The following NECTIN2 variants were observed in gnomAD, a reference collection of about 807,000 sequenced individuals.
NECTIN2 encodes the protein nectin-2.
Under a neutral mutation model 56.9 loss-of-function variants are expected in NECTIN2, and 23 were observed. The observed-to-expected ratio is 0.40, with a 90% CI of 0.29 to 0.57. NECTIN2 has a LOEUF of 0.57. Among genes scored for constraint, NECTIN2 ranks in the 20% least tolerant of loss-of-function variants. NECTIN2 has a pLI of 0.38. For missense variants in NECTIN2, 587 were observed against 718.3 expected (o/e 0.82, Z 2.09); for synonymous variants, 302 against 313.8 (o/e 0.96, Z 0.40).
At chr19:44,886,688 C>T (rs1249502893) in intron 8 of NECTIN2, among the ~76,000 whole-genome samples, 1 of 152,108 alleles carries the variant, frequency 6.6e-6, no homozygotes, top group Non-Finnish European at 1.5e-5. Flanking sequence ...CACCACTGCA[C>T]TCCAGCCTGG....
At chr19:44,882,439 G>A (rs1330589972) in intron 6 of NECTIN2, 75 bp downstream of exon 6, 3 of 1,259,490 alleles carry the variant, frequency 2.4e-6, no homozygotes, top group Non-Finnish European at 3.0e-6. Context: ...GGTGAGGGTG[G>A]GAGAAAATTC....
chr19:44,846,553 T>C lies in NECTIN2; in HGVS notation c.28T>C (p.Ser10Pro). The change falls in exon 1 of 9, where the codon TCG (serine) becomes CCG (proline). Residue 10 changes from serine (S) to proline (P), a missense_variant. By Grantham distance (74) the Ser-to-Pro change is moderately conservative (BLOSUM62 -1). Transcript: ENST00000252483. Reference protein sequence around the residue: MARAAALLPSRSPPTPLLWP... With the variant: MARAAALLPPRSPPTPLLWP... ...GGCCCGGGCCGCTGCCCTCCTGCCG[T>C]CGAGATCGCCGCCGACGCCGCTGCT... is the stretch of plus-strand genomic sequence containing the variant. The C allele has an allele frequency of 6.6e-7, 1 of 1,523,818 alleles. No homozygotes were observed. The highest frequency in any genetic ancestry group is 8.8e-7 in the Non-Finnish European group (1 of 1,142,274). The allele number at this position is 1,523,818 out of a possible 1,614,324, so 94.4% of individuals were successfully genotyped here. A position where few individuals can be genotyped will look rare whatever the true frequency, so the allele number is the denominator to read the frequency against.
intron 6 of NECTIN2, among the ~76,000 whole-genome samples, chr19:44,883,036 C>T (rs554902013): frequency 2.0e-5 from 3 of 152,258 alleles, no homozygotes; most frequent in South Asian, 4.1e-4. Flanking sequence ...CCTCCTCAGA[C>T]TCCAAAAGTG....
At chr19:44,882,925 G>A (rs975217219) in intron 6 of NECTIN2, among the ~76,000 whole-genome samples, 2 of 150,874 alleles carry the variant, frequency 1.3e-5, no homozygotes, top group African/African-American at 4.9e-5. Context: ...GGGAATACAG[G>A]CGCCCACCAC....
chr19:44,878,440 C>T (rs761022755), intron 5 of NECTIN2: 8 of 1,592,450 alleles, frequency 5.0e-6, no homozygotes, highest in South Asian at 2.3e-5. Context: ...ATGGGGACCC[C>T]GTCTTCTGGA....
intron 5 of NECTIN2, among the ~76,000 whole-genome samples, chr19:44,876,258 C>A (rs1441782500): frequency 6.6e-6 from 1 of 152,070 alleles, no homozygotes; most frequent in Non-Finnish European, 1.5e-5. Context: ...CAGCTCCACC[C>A]GCCCAGACAG....
chr19:44,878,837 G>A (rs1277320864), intron 5 of NECTIN2: 9 of 1,344,526 alleles, frequency 6.7e-6, no homozygotes, highest in African/African-American at 1.5e-5. Flanking sequence ...CTGAGTAGTG[G>A]GGATCCAGAG....
chr19:44,877,832 G>T (rs188464779), intron 5 of NECTIN2, among the ~76,000 whole-genome samples: 2 of 152,214 alleles, frequency 1.3e-5, no homozygotes, highest in Non-Finnish European at 2.9e-5. Flanking sequence ...TACGGCGATC[G>T]CCAGACATGG....
intron 2 of NECTIN2, among the ~76,000 whole-genome samples, chr19:44,870,179 AC>A (rs1969155954): frequency 1.3e-5 from 2 of 152,030 alleles, no homozygotes; most frequent in Admixed American, 1.3e-4. Context: ...ACCAACCAAA[AC>A]CCCAAAGTGG....
Position 44,888,416 on chromosome 19 carries a change from G to T in NECTIN2, c.*37G>T. 4 of 1,589,852 alleles carry T rather than the reference G, an allele frequency of 2.5e-6. No homozygotes were observed. Among genetic ancestry groups the T allele is most frequent in the South Asian group, 1.1e-5 (1 of 88,784 alleles). ...CCTGGCGTCTCACATCTCACCTGTT[G>T]ATCCCTTAGCTTTCTTGCCAAGGAT... On this transcript the variant is annotated 3_prime_UTR_variant, in exon 9 of 9. Coordinates refer to ENST00000252483, the MANE Select transcript of NECTIN2 (RefSeq NM_001042724.2).
Position 44,865,498 on chromosome 19 carries a change from G to A in NECTIN2, c.316G>A (p.Val106Ile), listed in dbSNP as rs761668689. Residue 106 changes from valine (V) to isoleucine (I), a missense_variant, in exon 2 of 9, where the codon GTC (valine) becomes ATC (isoleucine). By Grantham distance (29) the Val-to-Ile change is conservative. Transcript: ENST00000252483. This position sits in a 1 kb window ranked among gnomAD's most constrained non-coding sequence, Gnocchi z 5.2. Reference sequence around the variant, plus strand: ...GCCTGGCAGCGAGCGGCTGTCCTTCGTCTCTGCCAAGCAGAGCACTGGGCA... The same window carrying A: ...GCCTGGCAGCGAGCGGCTGTCCTTCATCTCTGCCAAGCAGAGCACTGGGCA... ...PKPGSERLSF[V>I]SAKQSTGQDT... The A allele has an allele frequency of 3.7e-5, 59 of 1,605,228 alleles. No homozygotes were observed. The highest frequency in any genetic ancestry group is 8.5e-5 in the Admixed American group (5 of 58,486).
chr19:44,856,587 T>G (rs1968968253), intron 1 of NECTIN2, among the ~76,000 whole-genome samples: 1 of 152,174 alleles, frequency 6.6e-6, no homozygotes, highest in Non-Finnish European at 1.5e-5. Flanking sequence ...TCCTTGACCC[T>G]CATTGAGTGG....
intron 5 of NECTIN2, among the ~76,000 whole-genome samples, chr19:44,880,401 G>C (rs1969294885): frequency 6.6e-6 from 1 of 151,732 alleles, no homozygotes; most frequent in Non-Finnish European, 1.5e-5. Context: ...AATGGAAACG[G>C]GAGGTGCTAG....
chr19:44,853,540 G>A (rs1219744972), intron 1 of NECTIN2, among the ~76,000 whole-genome samples: 2 of 148,498 alleles, frequency 1.3e-5, no homozygotes, highest in Non-Finnish European at 3.0e-5. Context: ...CCAGGCTGGA[G>A]TGCAGTGCTG....
intron 6 of NECTIN2, among the ~76,000 whole-genome samples, chr19:44,883,026 C>A (rs1310158964): frequency 6.6e-6 from 1 of 152,100 alleles, no homozygotes; most frequent in African/African-American, 2.4e-5. Context: ...TGGGATCCCC[C>A]CTCCTCAGAC....
chr19:44,864,350 ATTTT>A (rs1285302118), intron 1 of NECTIN2, among the ~76,000 whole-genome samples: 1 of 151,850 alleles, frequency 6.6e-6, no homozygotes, highest in African/African-American at 2.4e-5. Context: ...GAAAACTTTT[ATTTT>A]TTTATTTTCT....
intron 5 of NECTIN2, chr19:44,878,852 C>T (rs1969275578): frequency 7.7e-7 from 1 of 1,306,544 alleles, no homozygotes; most frequent in Non-Finnish European, 9.7e-7. Flanking sequence ...CCAGAGAGGA[C>T]CCCCGCCCCC....
chr19:44,846,372 C>CG lies in NECTIN2; in HGVS notation c.-151dup. On this transcript the variant is annotated 5_prime_UTR_variant, in exon 1 of 9. Transcript: ENST00000252483. ...CCGAGCCGGGCGGGGAGAGCTGGGC[C>CG]GGGAGAGCAGAACAGGGAGGCTAGA... is the stretch of plus-strand genomic sequence containing the variant. 8 of 967,932 alleles carry CG rather than the reference C, an allele frequency of 8.3e-6. No homozygotes were observed. Among genetic ancestry groups the CG allele is most frequent in the Non-Finnish European group, 1.1e-5 (8 of 716,400 alleles). 60.0% of individuals were successfully genotyped at this position (967,932 alleles called of 1,614,324 possible).
chr19:44,872,843 T>C (rs1002358193), intron 3 of NECTIN2, among the ~76,000 whole-genome samples: 2 of 147,710 alleles, frequency 1.4e-5, no homozygotes, highest in Non-Finnish European at 1.5e-5. Flanking sequence ...TTATATAAAA[T>C]ATATAAATTA....
Sources: gnomAD v4.1 joint callset for allele counts (sites outside exome capture counted in the v4.1 genomes callset) on GRCh38, gnomAD v4.1.1 for gene constraint, Gnocchi (gnomAD v3.1) non-coding constraint, MANE v1.5 for transcripts, NCBI Gene and HGNC (gene_info 2026-07-23, HGNC 2026-07-21) for gene names.